The following ARF1 variants were observed in gnomAD, a reference collection of about 807,000 sequenced individuals.
ARF1 encodes the protein ARF GTPase 1.
ARF1 carries 1 observed loss-of-function variant against 18.0 expected under a neutral mutation model. The observed-to-expected ratio is 0.06, with a 90% CI of 0.02 to 0.26. The LOEUF (loss-of-function observed/expected upper bound fraction) is 0.26. Ranked by LOEUF, ARF1 falls within the 10% of genes least tolerant of loss-of-function variation. ARF1 has a pLI of 1.00. For missense variants in ARF1, 73 were observed against 247.2 expected, an observed-to-expected ratio of 0.30 and a Z score of 4.73; for synonymous variants, 112 against 96.3, an observed-to-expected ratio of 1.16 and a Z score of -0.95.
intron 1 of ARF1, among the ~76,000 whole-genome samples, chr1:228,091,222 C>T (rs949266685): frequency 6.6e-6 from 1 of 152,166 alleles, no homozygotes; most frequent in Non-Finnish European, 1.5e-5. Context: ...TAAGATATCA[C>T]CTTGAATTTT....
chr1:228,095,346 T>C (rs938064335), intron 1 of ARF1, among the ~76,000 whole-genome samples: 1 of 151,812 alleles, frequency 6.6e-6, no homozygotes, highest in Non-Finnish European at 1.5e-5. Context: ...TATAGAACTC[T>C]CAGGAATTAT....
rs1444354712 is a variant in ARF1 at position 228,098,944 on chromosome 1, T to C, written c.*931T>C. On this transcript the variant is annotated 3_prime_UTR_variant, in exon 5 of 5. Transcript: ENST00000272102. ...CCCCACCTCTGTGTGTGATGTAGCT[T>C]TCTCTCCCTCAGCCTGCAAGGGTCC... The C allele has an allele frequency of 6.6e-6, 1 of 152,642 alleles. No homozygotes were observed. Among genetic ancestry groups the C allele is most frequent in the Non-Finnish European group, 1.5e-5 (1 of 68,038 alleles). The allele number at this position is 152,642 out of a possible 1,614,324, so 9.5% of individuals were successfully genotyped here. A position where few individuals can be genotyped will look rare whatever the true frequency, so the allele number is the denominator to read the frequency against.
At chr1:228,093,996 C>T (rs1220249730) in intron 1 of ARF1, among the ~76,000 whole-genome samples, 5 of 150,792 alleles carry the variant, frequency 3.3e-5, no homozygotes, top group Non-Finnish European at 5.9e-5. Context: ...TGGGGAGGGC[C>T]TGGGATTACT....
At chr1:228,085,623 T>A (rs1317464520) in intron 1 of ARF1, among the ~76,000 whole-genome samples, 1 of 152,232 alleles carries the variant, frequency 6.6e-6, no homozygotes, top group Non-Finnish European at 1.5e-5. Flanking sequence ...AGGGTGGTGC[T>A]TCTTACAGGC....
Position 228,082,761 on chromosome 1 carries a change from C to T in ARF1, c.-42C>T, listed in dbSNP as rs973568539. 5.9e-5 allele frequency: 9 copies of T among 152,092 alleles called. No homozygotes were observed. Among genetic ancestry groups the T allele is most frequent in the Non-Finnish European group, 1.0e-4 (7 of 68,042 alleles). The allele number at this position is 152,092 out of a possible 1,614,324, so 9.4% of individuals were successfully genotyped here. A position where few individuals can be genotyped will look rare whatever the true frequency, so the allele number is the denominator to read the frequency against. On this transcript the variant is annotated 5_prime_UTR_variant, in exon 1 of 5. Transcript: ENST00000272102. This position sits in a 1 kb window ranked among gnomAD's most constrained non-coding sequence, Gnocchi z 6.1. ...AACGCCTGGCTCGGAGCAGCAGCCT[C>T]TGAGGTGAGGGCGAGGGGCGCGGGC...
chr1:228,083,032 C>G (rs376506986), intron 1 of ARF1: 3 of 152,454 alleles, frequency 2.0e-5, no homozygotes, highest in East Asian at 1.9e-4. Flanking sequence ...CGCTTGTCCT[C>G]CTCTGCCTGT....
At chr1:228,091,816 T>C (rs2032584468) in intron 1 of ARF1, among the ~76,000 whole-genome samples, 1 of 152,156 alleles carries the variant, frequency 6.6e-6, no homozygotes, top group South Asian at 2.1e-4. Flanking sequence ...GACCATAGGC[T>C]TTATTTGGCT....
In ARF1 at chr1:228,089,274, AGAGTGTCCCCG is replaced by A. The variant is rs2032497764; in HGVS notation, c.-38+6511_-38+6521del. ...CTAGGTCACTTGAAGGGAGGTCCCCAGAGTGTCCCCGGGGTGTGCCTTTCTCTCACCTAGGT... is the reference window on the plus strand; with the variant it reads ...CTAGGTCACTTGAAGGGAGGTCCCCAGGGTGTGCCTTTCTCTCACCTAGGT... On this transcript the variant is annotated intron_variant, in intron 1 of 4. Transcript: ENST00000272102. This position sits in a 1 kb window ranked among gnomAD's most constrained non-coding sequence, Gnocchi z 4.1. Among the ~76,000 whole-genome samples the A allele has an allele frequency of 1.3e-5, 2 of 152,316 alleles. No homozygotes were observed. The highest frequency in any genetic ancestry group is 2.9e-5 in the Non-Finnish European group (2 of 68,020).
At chr1:228,094,058 G>A (rs1408681388) in intron 1 of ARF1, among the ~76,000 whole-genome samples, 1 of 152,082 alleles carries the variant, frequency 6.6e-6, no homozygotes, top group Non-Finnish European at 1.5e-5. Context: ...GGGCATGGTT[G>A]GCGGCACTGC....
Position 228,089,037 on chromosome 1 carries a change from C to G in ARF1, c.-38+6272C>G, listed in dbSNP as rs1049252006. On this transcript the variant is annotated intron_variant, in intron 1 of 4. Coordinates refer to ENST00000272102, the MANE Select transcript of ARF1 (RefSeq NM_001658.4). The surrounding 1 kb of genome is among the most constrained non-coding windows in gnomAD (Gnocchi z 4.1). ...AGAACACGCAGGAGGAGGCTGGAGA[C>G]GGGGTTCTTGCCTGGGGAACAGGAG... is the stretch of plus-strand genomic sequence containing the variant. Among the ~76,000 whole-genome samples, 1 of 152,206 alleles carries G rather than the reference C, an allele frequency of 6.6e-6. No individual in the cohort carries two copies. Among genetic ancestry groups the G allele is most frequent in the Non-Finnish European group, 1.5e-5 (1 of 68,000 alleles).
chr1:228,093,201 C>T (rs1015300224), intron 1 of ARF1, among the ~76,000 whole-genome samples: 2 of 151,984 alleles, frequency 1.3e-5, no homozygotes, highest in Non-Finnish European at 2.9e-5. Flanking sequence ...ACCTGAAAAG[C>T]GGGTTTTGGC....
intron 1 of ARF1, among the ~76,000 whole-genome samples, chr1:228,096,227 G>C (rs1246094112): frequency 6.6e-6 from 1 of 152,266 alleles, no homozygotes; most frequent in Non-Finnish European, 1.5e-5. Context: ...GAGGAGGTCT[G>C]ATGAGGGGTG....
intron 1 of ARF1, among the ~76,000 whole-genome samples, chr1:228,094,154 CCT>C (rs965108639): frequency 1.1e-4 from 17 of 152,042 alleles, no homozygotes; most frequent in Non-Finnish European, 1.6e-4. Context: ...CACCCCTTCC[CCT>C]GAGTGGCTGG....
intron 1 of ARF1, among the ~76,000 whole-genome samples, chr1:228,088,514 T>C (rs891528838): frequency 2.6e-5 from 4 of 152,196 alleles, no homozygotes; most frequent in Non-Finnish European, 5.9e-5. Flanking sequence ...AGACCTGTTA[T>C]AAATATGAAA....
chr1:228,097,105 G>A lies in ARF1; in HGVS notation c.-10G>A, dbSNP rs1558087360. The A allele has an allele frequency of 1.3e-6, 2 of 1,591,676 alleles. No homozygotes were observed. Among genetic ancestry groups the A allele is most frequent in the African/African-American group, 2.7e-5 (2 of 74,720 alleles). On this transcript the variant is annotated 5_prime_UTR_variant, in exon 2 of 5. Transcript: ENST00000272102. The surrounding 1 kb of genome is among the most constrained non-coding windows in gnomAD (Gnocchi z 8.1). ...GTCCCTGGCCAGTGTCCTTCCACCTGTCCACAAGCATGGGGAACATCTTCG... is the reference window on the plus strand; with the variant it reads ...GTCCCTGGCCAGTGTCCTTCCACCTATCCACAAGCATGGGGAACATCTTCG...
chr1:228,086,515 CAAAAAAAA>C (rs796644449), intron 1 of ARF1, among the ~76,000 whole-genome samples: 4 of 92,840 alleles, frequency 4.3e-5, no homozygotes, highest in Admixed American at 2.4e-4. Context: ...GACTTTGTCT[CAAAAAAAA>C]AAAAAAGAAA....
At chr1:228,086,634 G>A (rs1195384529) in intron 1 of ARF1, among the ~76,000 whole-genome samples, 1 of 152,188 alleles carries the variant, frequency 6.6e-6, no homozygotes, top group Middle Eastern at 3.2e-3. Context: ...GGAGGTTCCT[G>A]GAGAATGGCA....
chr1:228,089,812 T>C lies in ARF1; in HGVS notation c.-38+7047T>C, dbSNP rs1007397801. On this transcript the variant is annotated intron_variant, in intron 1 of 4. Transcript: ENST00000272102. This position sits in a 1 kb window ranked among gnomAD's most constrained non-coding sequence, Gnocchi z 4.1. ...CCCTGGATCCCCCAGCCCCACACAATGGTGGGCCTATGTTCGTCCAGAACA... is the reference window on the plus strand; with the variant it reads ...CCCTGGATCCCCCAGCCCCACACAACGGTGGGCCTATGTTCGTCCAGAACA... Among the ~76,000 whole-genome samples the C allele has an allele frequency of 6.6e-6, 1 of 151,776 alleles. No homozygotes were observed. Among genetic ancestry groups the C allele is most frequent in the Non-Finnish European group, 1.5e-5 (1 of 67,944 alleles).
chr1:228,091,142 C>T (rs1204580460), intron 1 of ARF1: 3 of 152,176 alleles, frequency 2.0e-5, no homozygotes, highest in Non-Finnish European at 4.4e-5. Flanking sequence ...GCTATAGTCC[C>T]AGAACTCAGT....
Sources: allele counts gnomAD v4.1 joint callset (sites outside exome capture counted in the v4.1 genomes callset), GRCh38; gene constraint gnomAD v4.1.1; non-coding constraint Gnocchi (gnomAD v3.1); transcripts MANE v1.5; gene names NCBI Gene and HGNC (gene_info 2026-07-23, HGNC 2026-07-21).